Variants in SOS2 observed in about 807,000 individuals in gnomAD.
The protein encoded by SOS2 is son of sevenless homolog 2.
A neutral mutation model predicts 148.2 loss-of-function variants in SOS2; 65 were observed. The observed-to-expected ratio is 0.44, with a 90% CI of 0.36 to 0.54. SOS2 has a LOEUF of 0.54. Ranked by LOEUF, SOS2 falls within the 20% of genes least tolerant of loss-of-function variation. The pLI, the probability that SOS2 is intolerant of heterozygous loss-of-function variation, is 0.00. For missense variants in SOS2, 1,341 were observed against 1,590.2 expected, an observed-to-expected ratio of 0.84 and a Z score of 2.67; for synonymous variants, 539 against 537.1, an observed-to-expected ratio of 1.00 and a Z score of -0.05.
intron 4 of SOS2, among the ~76,000 whole-genome samples, chr14:50,194,321 C>A (rs1886248523): frequency 6.6e-6 from 1 of 151,866 alleles, no homozygotes; most frequent in East Asian, 1.9e-4. Context: ...GTTTGTTGAC[C>A]CATGAATTAA....
rs192869899 is a variant in SOS2, at chr14:50,158,840, G to A, written c.1853-194C>T. The stretch of plus-strand genomic sequence containing the variant: ...ATACATAGAGAAATACTGACATAGA[G>A]AATATACTATGGTATATCCTTAATA... On this transcript the variant is annotated intron_variant, in intron 10 of 22. Transcript: ENST00000216373. Among the ~76,000 whole-genome samples the A allele has an allele frequency of 2.7e-3, 416 of 152,152 alleles. No homozygotes were observed. Among genetic ancestry groups the A allele is most frequent in the African/African-American group, 9.6e-3 (399 of 41,500 alleles).
chr14:50,135,500 C>T (rs770968399), intron 18 of SOS2, among the ~76,000 whole-genome samples: 49 of 150,362 alleles, frequency 3.3e-4, no homozygotes, highest in Non-Finnish European at 6.1e-4. Context: ...AATGATTTTA[C>T]TGTGCATGTA....
intron 8 of SOS2, among the ~76,000 whole-genome samples, chr14:50,166,645 A>C (rs1390727202): frequency 6.6e-6 from 1 of 152,114 alleles, no homozygotes; most frequent in Non-Finnish European, 1.5e-5. Flanking sequence ...ATTTCATGTA[A>C]GTTTTTTCTT....
chr14:50,201,146 T>C (rs1886473084), intron 2 of SOS2, 62 bp from the exon 3 acceptor site: 2 of 1,490,632 alleles, frequency 1.3e-6, no homozygotes, highest in Non-Finnish European at 9.3e-7. Flanking sequence ...AGGAAATTCA[T>C]ACAAAATTCA....
rs574139542 is a variant in SOS2, at chr14:50,188,047, CAT to C, written c.714+448_714+449del. Among the ~76,000 whole-genome samples, 108 of 152,244 alleles carry C rather than the reference CAT, an allele frequency of 7.1e-4. 1 individual carries two copies. The highest frequency in any genetic ancestry group is 2.3e-3 in the African/African-American group (97 of 41,554). ...ACTGTACCTATTATATAACAATTCACATGTTTATAAAGCCCACAAATACATGA... is the reference window on the plus strand; with the variant it reads ...ACTGTACCTATTATATAACAATTCACGTTTATAAAGCCCACAAATACATGA... On this transcript the variant is annotated intron_variant, in intron 5 of 22. Coordinates refer to ENST00000216373, the MANE Select transcript of SOS2 (RefSeq NM_006939.4).
At chr14:50,196,443 A>C (rs954687523) in intron 4 of SOS2, among the ~76,000 whole-genome samples, 4 of 152,130 alleles carry the variant, frequency 2.6e-5, no homozygotes, top group Non-Finnish European at 5.9e-5. Flanking sequence ...AAACTCTTTT[A>C]ATTGTTGTAA....
At chr14:50,213,018 T>A (rs1363638476) in intron 1 of SOS2, among the ~76,000 whole-genome samples, 1 of 152,192 alleles carries the variant, frequency 6.6e-6, no homozygotes, top group African/African-American at 2.4e-5. Context: ...ATTAACCTTC[T>A]GTCATTTGTA....
chr14:50,171,633 G>A (rs1439488106), intron 8 of SOS2, among the ~76,000 whole-genome samples: 3 of 142,964 alleles, frequency 2.1e-5, no homozygotes, highest in East Asian at 2.1e-4. Flanking sequence ...GCAGTGAGCC[G>A]AGATCATGCC....
At chr14:50,198,658 TTGTTCAC>T (rs1197737758) in intron 4 of SOS2, among the ~76,000 whole-genome samples, 2 of 152,154 alleles carry the variant, frequency 1.3e-5, no homozygotes, top group Non-Finnish European at 2.9e-5. Context: ...GTCCTGAAGG[TTGTTCAC>T]CCTGAGAGAG....
rs528102196 is a variant in SOS2, at chr14:50,142,952, T to C, written c.2667+2218A>G. Among the ~76,000 whole-genome samples the C allele has an allele frequency of 1.8e-4, 27 of 152,280 alleles. 2 individuals are homozygous for C. In the South Asian group the frequency reaches 5.4e-3, roughly 30 times the overall value. ...TGGCTGAGTTTCTAACTTGTTATCCTTTACTTAAAAAAAGTCTTTCCAGGT... is the reference window on the plus strand; with the variant it reads ...TGGCTGAGTTTCTAACTTGTTATCCCTTACTTAAAAAAAGTCTTTCCAGGT... On this transcript the variant is annotated intron_variant, in intron 16 of 22. Coordinates refer to ENST00000216373, the MANE Select transcript of SOS2 (RefSeq NM_006939.4).
intron 9 of SOS2, among the ~76,000 whole-genome samples, chr14:50,160,878 C>T (rs1884984325): frequency 6.6e-6 from 1 of 151,998 alleles, no homozygotes; most frequent in Admixed American, 6.6e-5. Context: ...CATGTGCCAC[C>T]CAGCTACTCG....
intron 5 of SOS2, among the ~76,000 whole-genome samples, chr14:50,187,075 G>C (rs1342668151): frequency 1.3e-5 from 2 of 152,046 alleles, no homozygotes; most frequent in Admixed American, 6.6e-5. Context: ...GCAGTGGCAC[G>C]ATCATGGCTC....
intron 22 of SOS2, 136 bp downstream of exon 22, chr14:50,120,139 T>C: frequency 3.5e-6 from 2 of 579,700 alleles, no homozygotes; most frequent in Non-Finnish European, 6.1e-6. Flanking sequence ...TAAAAGTATT[T>C]TTCAAATATA....
intron 11 of SOS2, among the ~76,000 whole-genome samples, chr14:50,157,795 G>A (rs1025755539): frequency 8.5e-5 from 13 of 152,072 alleles, no homozygotes; most frequent in South Asian, 2.1e-4. Flanking sequence ...GTTTTAAAAC[G>A]TAAAACTAAA....
chr14:50,146,425 C>T (rs1175058800), intron 14 of SOS2, among the ~76,000 whole-genome samples: 1 of 152,180 alleles, frequency 6.6e-6, no homozygotes, highest in African/African-American at 2.4e-5. Flanking sequence ...GGGCAGATCA[C>T]TTGAGGTCAG....
chr14:50,150,601 G>A (rs1594974187), intron 13 of SOS2, among the ~76,000 whole-genome samples: 1 of 149,706 alleles, frequency 6.7e-6, no homozygotes, highest in Non-Finnish European at 1.5e-5. Flanking sequence ...TTGCTCTGTG[G>A]CCCAGGTTGG....
chr14:50,146,426 T>C (rs1171614718), intron 14 of SOS2, among the ~76,000 whole-genome samples: 1 of 152,074 alleles, frequency 6.6e-6, no homozygotes, highest in African/African-American at 2.4e-5. Context: ...GGCAGATCAC[T>C]TGAGGTCAGG....
chr14:50,168,145 A>T (rs148601148), intron 8 of SOS2, among the ~76,000 whole-genome samples: 1 of 152,266 alleles, frequency 6.6e-6, no homozygotes, highest in East Asian at 1.9e-4. Context: ...GAGTTAGGAG[A>T]GTAAGAGAAC....
intron 8 of SOS2, among the ~76,000 whole-genome samples, chr14:50,171,776 C>T (rs1442441264): frequency 6.6e-6 from 1 of 150,822 alleles, no homozygotes; most frequent in Non-Finnish European, 1.5e-5. Flanking sequence ...GAAATATTAT[C>T]ATCTCTCAAA....
Sources: gnomAD v4.1 joint callset for allele counts (sites outside exome capture counted in the v4.1 genomes callset) on GRCh38, gnomAD v4.1.1 for gene constraint, MANE v1.5 for transcripts, NCBI Gene and HGNC (gene_info 2026-07-23, HGNC 2026-07-21) for gene names.